Variants in ACAT2 observed in about 807,000 individuals in gnomAD.
ACAT2 encodes the protein acetyl-CoA acetyltransferase 2, also known as acetyl-CoA acetyltransferase, cytosolic.
ACAT2 carries 26 observed loss-of-function variants against 37.1 expected under a neutral mutation model. That is an observed-to-expected ratio of 0.70 (90% CI 0.51 to 0.97). The LOEUF is 0.97. Ranked by LOEUF, ACAT2 falls within the 50% of genes least tolerant of loss-of-function variation. ACAT2 has a pLI of 0.00. For synonymous variants in ACAT2, 156 were observed against 163.6 expected (o/e 0.95, Z 0.35); for missense variants, 468 against 489.0 (o/e 0.96, Z 0.40).
At chr6:159,770,802 C>T (rs574795176) in intron 4 of ACAT2, among the ~76,000 whole-genome samples, 68 of 152,306 alleles carry the variant, frequency 4.5e-4, no homozygotes, top group African/African-American at 7.9e-4. Flanking sequence ...CGGTAGCTCA[C>T]GCTTGTAATC....
chr6:159,774,661 A>T (rs1299612955), intron 4 of ACAT2, among the ~76,000 whole-genome samples: 1 of 152,104 alleles, frequency 6.6e-6, no homozygotes, highest in East Asian at 1.9e-4. Context: ...GGCTGGTCTC[A>T]AACTCCTGGG....
At position 159,777,280 on chromosome 6, in the gene ACAT2, TTAAG is replaced by T. The variant is rs767755817; in HGVS notation, c.758-20_758-17del. The T allele has an allele frequency of 1.2e-6, 2 of 1,605,710 alleles. No homozygotes were observed. The highest frequency in any genetic ancestry group is 1.1e-5 in the South Asian group (1 of 89,718). On this transcript the variant is annotated intron_variant, in intron 6 of 8. Transcript: ENST00000367048. ...CTGAGGTTAATAAGCATGGTAGAAA[TTAAG>T]TCACTCATATTTTACAGGAATAAAT... is the stretch of plus-strand genomic sequence containing the variant.
chr6:159,771,580 T>C (rs1393075860), intron 4 of ACAT2, among the ~76,000 whole-genome samples: 1 of 151,236 alleles, frequency 6.6e-6, no homozygotes, highest in Admixed American at 6.6e-5. Flanking sequence ...CCTTAGCAAA[T>C]TGTAGCAAAA....
At chr6:159,775,368 C>T (rs2114983886) in intron 5 of ACAT2, 55 bp downstream of exon 5, 2 of 1,563,614 alleles carry the variant, frequency 1.3e-6, no homozygotes, top group Non-Finnish European at 8.7e-7. Flanking sequence ...AGAGTAACAT[C>T]TAAAAGAGTA....
intron 4 of ACAT2, among the ~76,000 whole-genome samples, chr6:159,770,412 C>T (rs1780317225): frequency 6.6e-6 from 1 of 152,098 alleles, no homozygotes; most frequent in South Asian, 2.1e-4. Flanking sequence ...ATATAATCTT[C>T]ATAGAGGAAT....
At position 159,778,917 on chromosome 6, in the gene ACAT2, G is replaced by C; in HGVS notation, c.*88G>C. The C allele has an allele frequency of 5.1e-6, 8 of 1,579,462 alleles. No homozygotes were observed. Among genetic ancestry groups the C allele is most frequent in the Non-Finnish European group, 6.9e-6 (8 of 1,158,794 alleles). On this transcript the variant is annotated 3_prime_UTR_variant, in exon 9 of 9. Transcript: ENST00000367048. ...TGTGAAATCAGAGGACCAAAGTACA[G>C]ATGGAAACCATTTCCTACATCACAA... is the stretch of plus-strand genomic sequence containing the variant.
chr6:159,775,950 AT>A, intron 5 of ACAT2, 199 bp from the exon 6 acceptor site: 1 of 523,828 alleles, frequency 1.9e-6, no homozygotes, highest in Non-Finnish European at 3.3e-6. Context: ...CAGGTGTCTC[AT>A]AAGGACATAC....
At chr6:159,765,570 C>T (rs1177406858) in intron 2 of ACAT2, among the ~76,000 whole-genome samples, 3 of 152,064 alleles carry the variant, frequency 2.0e-5, no homozygotes, top group Non-Finnish European at 2.9e-5. Context: ...GCTGGGATTA[C>T]AGGCGTGCAC....
At chr6:159,768,100 AG>A (rs1437594360) in intron 3 of ACAT2, among the ~76,000 whole-genome samples, 1 of 152,216 alleles carries the variant, frequency 6.6e-6, no homozygotes, top group African/African-American at 2.4e-5. Context: ...CCCATCATTT[AG>A]TTAGCCTGAT....
chr6:159,763,128 T>A (rs1780183574), intron 2 of ACAT2, 75 bp downstream of exon 2: 43 of 1,403,626 alleles, frequency 3.1e-5, no homozygotes, highest in Non-Finnish European at 3.8e-5. Flanking sequence ...ACACACACTC[T>A]CACACACTCA....
At chr6:159,775,757 A>T in intron 5 of ACAT2, 1 of 200,274 alleles carries the variant, frequency 5.0e-6, no homozygotes, top group Non-Finnish European at 1.0e-5. Context: ...TGCTCCCGTC[A>T]AGCTCCCTTA....
At chr6:159,778,027 A>C (rs998482743) in intron 7 of ACAT2, 143 bp from the exon 8 acceptor site, 38 of 555,616 alleles carry the variant, frequency 6.8e-5, no homozygotes, top group Admixed American at 6.3e-4. Flanking sequence ...AAAATGTGTG[A>C]GAATGTCACT....
At chr6:159,767,982 CAAA>C (rs1780280961) in intron 3 of ACAT2, among the ~76,000 whole-genome samples, 1 of 152,168 alleles carries the variant, frequency 6.6e-6, no homozygotes, top group East Asian at 1.9e-4. Flanking sequence ...AGCCAGCATT[CAAA>C]TACAACTCTT....
rs781251725 is a variant in ACAT2, at chr6:159,768,574, A to G, written c.436A>G (p.Ile146Val). The change falls in exon 4 of 9, where the codon ATA becomes GTA. Residue 146 changes from isoleucine to valine, a missense_variant. Coordinates refer to ENST00000367048, the MANE Select transcript of ACAT2 (RefSeq NM_005891.3). Reference protein sequence around the residue: ...KIGEMPLTDSILCDGLTDAFH... With the variant: ...KIGEMPLTDSVLCDGLTDAFH... ...AGGTGAGATGCCACTGACTGACAGT[A>G]TACTCTGTGATGGTCTTACAGATGC... 1.2e-6 allele frequency: 2 copies of G among 1,613,942 alleles called. No individual in the cohort carries two copies. Among genetic ancestry groups the G allele is most frequent in the Non-Finnish European group, 1.7e-6 (2 of 1,179,914 alleles).
chr6:159,776,382 C>T (rs1780414086), intron 6 of ACAT2, 110 bp downstream of exon 6: 1 of 1,304,672 alleles, frequency 7.7e-7, no homozygotes, highest in Non-Finnish European at 1.0e-6. Flanking sequence ...GGGACAGGGA[C>T]TCACTCTGCC....
chr6:159,777,218 C>G, intron 6 of ACAT2, 84 bp from the exon 7 acceptor site: 2 of 1,428,324 alleles, frequency 1.4e-6, no homozygotes, highest in Non-Finnish European at 9.5e-7. Flanking sequence ...TCATTTAACT[C>G]ATGTCTTCAG....
chr6:159,767,287 A>C lies in ACAT2; in HGVS notation c.372+101A>C. The C allele has an allele frequency of 5.7e-6, 7 of 1,221,336 alleles. No individual in the cohort carries two copies. In the South Asian group the frequency reaches 9.8e-5, roughly 17 times the overall value. The allele number at this position is 1,221,336 out of a possible 1,614,324, so 75.7% of individuals were successfully genotyped here. The stretch of plus-strand genomic sequence containing the variant: ...CAGATGCATAGCAGAGCTGGAACCA[A>C]ACAGTGAACAAATAAACAGAAATGA... On this transcript the variant is annotated intron_variant, in intron 3 of 8. Coordinates refer to ENST00000367048, the MANE Select transcript of ACAT2 (RefSeq NM_005891.3).
Position 159,778,972 on chromosome 6 carries a change from T to G in ACAT2, c.*143T>G, listed in dbSNP as rs1181094729. The G allele has an allele frequency of 3.1e-5, 49 of 1,563,676 alleles. No individual in the cohort carries two copies. The South Asian group carries it at 5.8e-4, about 19-fold the overall frequency. ...CCAAGTTTACAGCTTGTACTTTACT[T>G]TAATGTGTAATACTCAACTCAAGGT... On this transcript the variant is annotated 3_prime_UTR_variant, in exon 9 of 9. Transcript: ENST00000367048.
intron 1 of ACAT2, chr6:159,762,689 G>A: frequency 6.7e-7 from 1 of 1,503,232 alleles, no homozygotes; most frequent in South Asian, 1.2e-5. Flanking sequence ...GGCTACAGCG[G>A]CGTCCCTAGG....
Sources: gnomAD v4.1 joint callset for allele counts (sites outside exome capture counted in the v4.1 genomes callset) on GRCh38, gnomAD v4.1.1 for gene constraint, MANE v1.5 for transcripts, NCBI Gene and HGNC (gene_info 2026-07-23, HGNC 2026-07-21) for gene names.